Variants in MRPS27 observed in about 807,000 individuals in gnomAD.
MRPS27 encodes small ribosomal subunit protein mS27.
MRPS27 carries 43 observed loss-of-function variants against 48.9 expected under a neutral mutation model. The ratio of observed to expected loss-of-function variants is 0.88; its 90% CI spans 0.69 to 1.13. The LOEUF is 1.13. MRPS27 is among the 50% of genes most tolerant of loss of function. The probability of loss-of-function intolerance (pLI) is 0.00; values close to 1 mark genes in which losing one functional copy is unlikely to be tolerated. For synonymous variants in MRPS27, 188 were observed against 171.9 expected (o/e 1.09, Z -0.73); for missense variants, 467 against 476.3 (o/e 0.98, Z 0.18).
intron 10 of MRPS27, among the ~76,000 whole-genome samples, chr5:72,222,022 C>T (rs972191365): frequency 2.0e-5 from 3 of 152,230 alleles, no homozygotes; most frequent in Non-Finnish European, 2.9e-5. Context: ...CAAACAAATG[C>T]CACTCATTGG....
chr5:72,254,034 C>T (rs1748730280), intron 4 of MRPS27, among the ~76,000 whole-genome samples: 3 of 152,222 alleles, frequency 2.0e-5, no homozygotes, highest in Non-Finnish European at 4.4e-5. Flanking sequence ...CTGCCTCAGC[C>T]TCCCAAGTAG....
Position 72,320,215 on chromosome 5 carries a change from C to T in MRPS27, c.7G>A (p.Ala3Thr), listed in dbSNP as rs900853605. 1 of 1,613,974 alleles carries T rather than the reference C, an allele frequency of 6.2e-7. No individual in the cohort carries two copies. MAASIVRRGMLLA... is the reference protein window; with the variant it reads MATSIVRRGMLLA... ...AGCATCCCGCGCCGCACTATGGAGG[C>T]AGCCATCTTGGAGCGTACCAAAAGG... The change falls in exon 1 of 11, where the codon GCC (alanine) becomes ACC (threonine). Residue 3 changes from alanine to threonine, a missense_variant. Ala to Thr is a moderately conservative substitution (Grantham distance 58). Coordinates refer to ENST00000261413, the MANE Select transcript of MRPS27 (RefSeq NM_015084.3).
At chr5:72,298,710 C>T (rs1411860452) in intron 2 of MRPS27, among the ~76,000 whole-genome samples, 1 of 93,442 alleles carries the variant, frequency 1.1e-5, no homozygotes, top group African/African-American at 4.2e-5. Context: ...GAGACTCCGT[C>T]TCAAAAAAAA....
rs1747714369 is a variant in MRPS27 at position 72,220,654 on chromosome 5, T to C, written c.*255A>G. On this transcript the variant is annotated 3_prime_UTR_variant, in exon 11 of 11. Transcript: ENST00000261413. Reference sequence around the variant, plus strand: ...TAATCCCTGTGCCCCAGGAACTCCATTATGAGCCTCAAGAGTCCTCCTTAA... The same window carrying C: ...TAATCCCTGTGCCCCAGGAACTCCACTATGAGCCTCAAGAGTCCTCCTTAA... 2.0e-6 allele frequency: 1 copy of C among 494,968 alleles called. No individual in the cohort carries two copies. The highest frequency in any genetic ancestry group is 3.3e-5 in the East Asian group (1 of 30,138). 30.7% of individuals were successfully genotyped at this position (494,968 alleles called of 1,614,324 possible). A position where few individuals can be genotyped will look rare whatever the true frequency, so the allele number is the denominator to read the frequency against.
intron 4 of MRPS27, among the ~76,000 whole-genome samples, chr5:72,281,079 C>G (rs1035073371): frequency 2.6e-5 from 4 of 152,204 alleles, no homozygotes; most frequent in Non-Finnish European, 4.4e-5. Flanking sequence ...GCCCTTGGGG[C>G]AGGGGTGGTG....
At chr5:72,285,915 A>G (rs530841283) in intron 4 of MRPS27, among the ~76,000 whole-genome samples, 145 of 152,300 alleles carry the variant, frequency 9.5e-4, no homozygotes, top group African/African-American at 3.3e-3. Flanking sequence ...CAAAGCCTCT[A>G]CTGGCTTTAA....
At chr5:72,266,995 G>T (rs986723091) in intron 4 of MRPS27, among the ~76,000 whole-genome samples, 1 of 152,200 alleles carries the variant, frequency 6.6e-6, no homozygotes, top group African/African-American at 2.4e-5. Context: ...GGGCTTCAGA[G>T]ATGGCTATCT....
At chr5:72,309,815 A>G (rs1161691812) in intron 2 of MRPS27, among the ~76,000 whole-genome samples, 1 of 152,240 alleles carries the variant, frequency 6.6e-6, no homozygotes, top group African/African-American at 2.4e-5. Context: ...GCCTTGCTGT[A>G]TAACTATGAG....
At chr5:72,222,423 T>TGTAGTTA (rs1224979918) in intron 10 of MRPS27, 2 of 152,150 alleles carry the variant, frequency 1.3e-5, no homozygotes, top group Admixed American at 6.5e-5. Flanking sequence ...GTGCCCAACA[T>TGTAGTTA]GTAGTTAGTA....
Position 72,238,114 on chromosome 5 carries a change from G to A in MRPS27, c.296C>T (p.Pro99Leu), listed in dbSNP as rs368019246. Residue 99 changes from proline to leucine, a missense_variant, in exon 5 of 11, where the codon CCC (proline) becomes CTC (leucine). Physicochemically the swap from Pro to Leu is moderately conservative, Grantham distance 98. Transcript: ENST00000261413. The part of the protein sequence containing the change: ...EYYLYKFRHS[P>L]NCWYLRNWTI... ...CCAGTTTCTCAGGTACCAGCAGTTGGGGCTGTGTCGAAACCTAAATAAGCA... is the reference window on the plus strand; with the variant it reads ...CCAGTTTCTCAGGTACCAGCAGTTGAGGCTGTGTCGAAACCTAAATAAGCA... The A allele has an allele frequency of 1.9e-6, 3 of 1,613,184 alleles. No homozygotes were observed. In the South Asian group the frequency reaches 3.3e-5, roughly 18 times the overall value.
intron 1 of MRPS27, among the ~76,000 whole-genome samples, chr5:72,317,585 C>T (rs1750597708): frequency 6.6e-6 from 1 of 152,166 alleles, no homozygotes; most frequent in African/African-American, 2.4e-5. Flanking sequence ...TCCATGTTGG[C>T]CAGGCTGGTC....
At chr5:72,238,947 T>A (rs1056479576) in intron 4 of MRPS27, among the ~76,000 whole-genome samples, 1 of 151,894 alleles carries the variant, frequency 6.6e-6, no homozygotes, top group African/African-American at 2.4e-5. Flanking sequence ...GACTGGAGAT[T>A]GAGCTGCGAG....
rs1299235112 is a variant in MRPS27 at position 72,226,146 on chromosome 5, T to G, written c.748A>C (p.Ile250Leu). ...CTGTCAAGGTAGCCTGGTTTCCATA[T>G]CAGAGGCATGTTGTGGTACACAGCC... is the stretch of plus-strand genomic sequence containing the variant. ...LRAVYHNMPL[I>L]WKPGYLDRAL... The change falls in exon 9 of 11, where the codon ATA becomes CTA. Residue 250 changes from isoleucine (I) to leucine (L), a missense_variant. Transcript: ENST00000261413. 1 of 1,613,736 alleles carries G rather than the reference T, an allele frequency of 6.2e-7. No individual in the cohort carries two copies.
At chr5:72,242,665 TACACACACACACACACACACAC>T (rs57589095) in intron 4 of MRPS27, among the ~76,000 whole-genome samples, 6 of 134,202 alleles carry the variant, frequency 4.5e-5, no homozygotes, top group Non-Finnish European at 9.4e-5. Flanking sequence ...AGACCCCGTC[TACACACACACACACACACACAC>T]ACACACACAC....
At chr5:72,300,249 C>T (rs1392375258) in intron 2 of MRPS27, among the ~76,000 whole-genome samples, 2 of 152,104 alleles carry the variant, frequency 1.3e-5, no homozygotes, top group Non-Finnish European at 2.9e-5. Context: ...TTTTTTCTCT[C>T]CTTCTTGTGT....
At chr5:72,272,333 C>T (rs758985799) in intron 4 of MRPS27, among the ~76,000 whole-genome samples, 3 of 152,174 alleles carry the variant, frequency 2.0e-5, no homozygotes, top group Non-Finnish European at 4.4e-5. Flanking sequence ...TCCCACCATT[C>T]CTTAAAACTG....
intron 2 of MRPS27, among the ~76,000 whole-genome samples, chr5:72,298,729 A>AAAAAAAAAAC: frequency 6.7e-6 from 1 of 148,754 alleles, no homozygotes; most frequent in Admixed American, 6.6e-5. Flanking sequence ...AAAAACAAAA[A>AAAAAAAAAAC]AAAAAAAAAC....
chr5:72,303,262 TTAAATA>T (rs1217161112), intron 2 of MRPS27, among the ~76,000 whole-genome samples: 32 of 152,238 alleles, frequency 2.1e-4, no homozygotes, highest in African/African-American at 6.8e-4. Context: ...AATTGTACAT[TTAAATA>T]TACATAGTTT....
intron 2 of MRPS27, among the ~76,000 whole-genome samples, chr5:72,303,918 A>G (rs1750187769): frequency 6.6e-6 from 1 of 151,462 alleles, no homozygotes; most frequent in South Asian, 2.1e-4. Context: ...TAAGGGCGAA[A>G]TGAAGACATT....
Sources: gnomAD v4.1 joint callset for allele counts (sites outside exome capture counted in the v4.1 genomes callset) on GRCh38, gnomAD v4.1.1 for gene constraint, MANE v1.5 for transcripts, NCBI Gene and HGNC (gene_info 2026-07-23, HGNC 2026-07-21) for gene names.